Variants in CCSER1 observed in about 807,000 individuals in gnomAD.
CCSER1 encodes the protein serine-rich coiled-coil domain-containing protein 1.
A neutral mutation model predicts 82.0 loss-of-function variants in CCSER1; 41 were observed. The ratio of observed to expected loss-of-function variants is 0.50; its 90% CI spans 0.39 to 0.65. The LOEUF is 0.65. CCSER1 is among the 30% of genes least tolerant of loss of function. The pLI is 0.00. For missense variants in CCSER1, 1,119 were observed against 1,064.2 expected, an observed-to-expected ratio of 1.05 and a Z score of -0.72; for synonymous variants, 414 against 383.9, an observed-to-expected ratio of 1.08 and a Z score of -0.92.
intron 4 of CCSER1, among the ~76,000 whole-genome samples, chr4:90,459,137 C>G (rs1762552745): frequency 1.3e-5 from 2 of 152,020 alleles, no homozygotes; most frequent in African/African-American, 4.8e-5. Context: ...TAAACACAGG[C>G]AAATTCTTAC....
chr4:90,649,760 A>G (rs1348276519), intron 6 of CCSER1: 1 of 152,234 alleles, frequency 6.6e-6, no homozygotes, highest in Non-Finnish European at 1.5e-5. Context: ...TTTAGAAATC[A>G]TATTTATAAT....
chr4:90,382,413 G>A (rs560331498), intron 3 of CCSER1, among the ~76,000 whole-genome samples: 60 of 152,076 alleles, frequency 3.9e-4, no homozygotes, highest in Non-Finnish European at 6.0e-4. Context: ...TACCTTAACC[G>A]ATCAGTAGGT....
At chr4:90,936,691 A>G (rs184647833) in intron 9 of CCSER1, among the ~76,000 whole-genome samples, 65 of 152,276 alleles carry the variant, frequency 4.3e-4, no homozygotes, top group African/African-American at 1.5e-3. Flanking sequence ...AAATACACAG[A>G]AAAACAGAAT....
chr4:90,283,215 T>C (rs1729188135), intron 1 of CCSER1, among the ~76,000 whole-genome samples: 1 of 151,994 alleles, frequency 6.6e-6, no homozygotes, highest in South Asian at 2.1e-4. Flanking sequence ...TTTTGTGATT[T>C]AACACCATCC....
intron 10 of CCSER1, among the ~76,000 whole-genome samples, chr4:91,493,115 A>C (rs1758636139): frequency 6.6e-6 from 1 of 150,758 alleles, no homozygotes; most frequent in Non-Finnish European, 1.5e-5. Flanking sequence ...ATAGAAGTAA[A>C]CGTAATTAAA....
chr4:91,441,894 C>T (rs1177343239), intron 10 of CCSER1, among the ~76,000 whole-genome samples: 1 of 151,994 alleles, frequency 6.6e-6, no homozygotes, highest in African/African-American at 2.4e-5. Flanking sequence ...GAATAAAATA[C>T]CTAGGAATCC....
intron 9 of CCSER1, among the ~76,000 whole-genome samples, chr4:91,006,254 G>A (rs951544223): frequency 6.0e-5 from 9 of 151,212 alleles, no homozygotes; most frequent in East Asian, 1.9e-4. Flanking sequence ...TATTCCTGGC[G>A]ATATTTTTTT....
chr4:91,535,713 T>G (rs1445538368), intron 10 of CCSER1, among the ~76,000 whole-genome samples: 1 of 152,104 alleles, frequency 6.6e-6, no homozygotes, highest in African/African-American at 2.4e-5. Context: ...GTGATAGTGC[T>G]TGTCTTCTAA....
At chr4:90,139,482 A>G (rs189379887) in intron 1 of CCSER1, among the ~76,000 whole-genome samples, 2 of 152,268 alleles carry the variant, frequency 1.3e-5, no homozygotes, top group East Asian at 1.9e-4. Flanking sequence ...TTCAGGTCAT[A>G]TGTTCCTGTT....
At chr4:91,265,287 T>C (rs895462214) in intron 10 of CCSER1, among the ~76,000 whole-genome samples, 24 of 152,134 alleles carry the variant, frequency 1.6e-4, no homozygotes, top group Admixed American at 1.5e-3. Flanking sequence ...AAGTATGATT[T>C]ATACAATCAT....
In CCSER1 at chr4:91,328,692, A is replaced by G. The variant is rs140996010; in HGVS notation, c.2217+242698A>G. The stretch of plus-strand genomic sequence containing the variant: ...TGATAAAGGGACCCTATAAAATAAA[A>G]TAAAACACTTTTGGCACCTGGGAAT... On this transcript the variant is annotated intron_variant, in intron 10 of 10. Coordinates refer to ENST00000509176, the MANE Select transcript of CCSER1 (RefSeq NM_001145065.2). Among the ~76,000 whole-genome samples the G allele has an allele frequency of 1.9e-3, 297 of 152,310 alleles. 1 individual carries two copies. The highest frequency in any genetic ancestry group is 7.0e-3 in the African/African-American group (290 of 41,574).
At chr4:91,181,846 A>G (rs1031724297) in intron 10 of CCSER1, among the ~76,000 whole-genome samples, 11 of 152,192 alleles carry the variant, frequency 7.2e-5, no homozygotes, top group Admixed American at 5.2e-4. Flanking sequence ...TTATTATGGT[A>G]AATACTGAGA....
chr4:90,342,359 CT>C (rs1741539038), intron 3 of CCSER1, among the ~76,000 whole-genome samples: 1 of 152,110 alleles, frequency 6.6e-6, no homozygotes, highest in Admixed American at 6.6e-5. Flanking sequence ...TTTCACGTCT[CT>C]TGTCATCTTG....
At chr4:91,444,699 C>T (rs1755438875) in intron 10 of CCSER1, among the ~76,000 whole-genome samples, 1 of 152,214 alleles carries the variant, frequency 6.6e-6, no homozygotes, top group South Asian at 2.1e-4. Flanking sequence ...ACCAGCCCAC[C>T]TTGGCCTCCC....
At chr4:91,538,698 C>CATATATTATATATATATATTATAT in intron 10 of CCSER1, among the ~76,000 whole-genome samples, 12 of 138,340 alleles carry the variant, frequency 8.7e-5, no homozygotes, top group Non-Finnish European at 1.4e-4. Context: ...TATATATACA[C>CATATATTATATATATATATTATAT]ATATATATAT....
chr4:90,851,308 A>G (rs1397651735), intron 8 of CCSER1, among the ~76,000 whole-genome samples: 4 of 152,084 alleles, frequency 2.6e-5, no homozygotes, highest in African/African-American at 9.7e-5. Context: ...ACACAAAAGA[A>G]CTCTACAGGC....
At position 90,723,806 on chromosome 4, in the gene CCSER1, T is replaced by G. The variant is rs559745760; in HGVS notation, c.1933-108T>G. Reference sequence around the variant, plus strand: ...AAATCTGATTTTTTACATTCATATTTTACTTATTATTTGTTTATTTTAATG... The same window carrying G: ...AAATCTGATTTTTTACATTCATATTGTACTTATTATTTGTTTATTTTAATG... On this transcript the variant is annotated intron_variant, in intron 6 of 10. Coordinates refer to ENST00000509176, the MANE Select transcript of CCSER1 (RefSeq NM_001145065.2). 9.1e-5 allele frequency: 42 copies of G among 460,504 alleles called. No homozygotes were observed. In the Admixed American group the frequency reaches 1.4e-3, roughly 15 times the overall value. 28.5% of individuals were successfully genotyped at this position (460,504 alleles called of 1,614,324 possible).
chr4:90,492,195 G>A (rs549601193), intron 5 of CCSER1, among the ~76,000 whole-genome samples: 6 of 152,118 alleles, frequency 3.9e-5, no homozygotes, highest in Admixed American at 3.9e-4. Context: ...CAATTTCAGA[G>A]CCTGTTATTG....
chr4:91,571,537 T>C (rs1046391061), intron 10 of CCSER1, among the ~76,000 whole-genome samples: 1 of 152,116 alleles, frequency 6.6e-6, no homozygotes, highest in African/African-American at 2.4e-5. Flanking sequence ...GGAGTGAGAA[T>C]GAATGCCAGC....
Sources: gnomAD v4.1 joint callset for allele counts (sites outside exome capture counted in the v4.1 genomes callset) on GRCh38, gnomAD v4.1.1 for gene constraint, MANE v1.5 for transcripts, NCBI Gene and HGNC (gene_info 2026-07-23, HGNC 2026-07-21) for gene names.